The following SAG variants were observed in gnomAD, a reference collection of about 807,000 sequenced individuals.
SAG encodes S-antigen visual arrestin, also known as S-arrestin.
In SAG, 45 loss-of-function variants were observed where a neutral mutation model predicts 55.0. That is an observed-to-expected ratio of 0.82 (90% CI 0.64 to 1.05). The LOEUF (loss-of-function observed/expected upper bound fraction) is 1.05, where lower values mean the gene tolerates loss of function less well. SAG is among the 50% of genes least tolerant of loss of function. The pLI is 0.00. For synonymous variants in SAG, 189 were observed against 197.4 expected (o/e 0.96, Z 0.36); for missense variants, 455 against 512.1 (o/e 0.89, Z 1.08).
chr2:233,320,791 C>T lies in SAG; in HGVS notation c.343C>T (p.Leu115=). The T allele has an allele frequency of 1.2e-6, 2 of 1,603,406 alleles. No homozygotes were observed. Among genetic ancestry groups the T allele is most frequent in the Non-Finnish European group, 1.7e-6 (2 of 1,175,014 alleles). ...TKLQESLLKK[L]GSNTYPFLLT... ...ACTGCAAGAGAGCCTGCTTAAAAAG[C>T]TGGGGAGCAACACGTACCCCTTTCT... The change falls in exon 5 of 16, where the codon CTG becomes TTG. Residue 115 remains leucine (L), a synonymous_variant. Coordinates refer to ENST00000409110, the MANE Select transcript of SAG (RefSeq NM_000541.5).
chr2:233,315,035 A>G (rs1204385856), intron 2 of SAG, among the ~76,000 whole-genome samples: 1 of 152,188 alleles, frequency 6.6e-6, no homozygotes, highest in Non-Finnish European at 1.5e-5. Context: ...TACTACCACC[A>G]AGCCACAGTC....
intron 5 of SAG, 105 bp from the exon 6 acceptor site, chr2:233,322,841 T>C: frequency 1.3e-6 from 1 of 774,980 alleles, no homozygotes; most frequent in Non-Finnish European, 2.1e-6. Context: ...ATTTTTCTTT[T>C]TTCTTGCTTA....
chr2:233,319,960 G>T lies in SAG; in HGVS notation c.182-670G>T. On this transcript the variant is annotated intron_variant, in intron 4 of 15. Coordinates refer to ENST00000409110, the MANE Select transcript of SAG (RefSeq NM_000541.5). The surrounding 1 kb of genome is among the most constrained non-coding windows in gnomAD (Gnocchi z 4.4). ...TATATTTGAGAAATATGTGCTTCGT[G>T]TCTTTTTTAGAAGGTGTAGTGAACT... 1 of 985,528 alleles carries T rather than the reference G, an allele frequency of 1.0e-6. No homozygotes were observed. The highest frequency in any genetic ancestry group is 1.2e-6 in the Non-Finnish European group (1 of 829,958). 61.0% of individuals were successfully genotyped at this position (985,528 alleles called of 1,614,324 possible).
chr2:233,322,669 T>C (rs1469346981), intron 5 of SAG, among the ~76,000 whole-genome samples: 1 of 151,780 alleles, frequency 6.6e-6, no homozygotes, highest in Non-Finnish European at 1.5e-5. Flanking sequence ...GGCATGGTGG[T>C]GTGTGCCTGT....
chr2:233,334,333 TC>T (rs1700858712), intron 10 of SAG: 1 of 152,192 alleles, frequency 6.6e-6, no homozygotes, highest in Admixed American at 6.5e-5. Flanking sequence ...CATTGCTGTG[TC>T]CCCAGCTGGA....
intron 10 of SAG, chr2:233,333,237 C>T (rs1417370263): frequency 6.6e-6 from 1 of 152,306 alleles, no homozygotes; most frequent in African/African-American, 2.4e-5. Flanking sequence ...GGGCTCTGTT[C>T]TGCCTTTAGG....
At chr2:233,322,205 A>AT (rs1194591645) in intron 5 of SAG, among the ~76,000 whole-genome samples, 1 of 151,518 alleles carries the variant, frequency 6.6e-6, no homozygotes, top group African/African-American at 2.4e-5. Context: ...AAAAAAAAAA[A>AT]AAAAGTGCTT....
rs1277597080 is a variant in SAG, at chr2:233,316,353, C to T, written c.136+218C>T. ...TGAGATGGAGTTTCATTCTTGTTGGCCGGGCTGGAGTGCAGTGGCATGATC... is the reference window on the plus strand; with the variant it reads ...TGAGATGGAGTTTCATTCTTGTTGGTCGGGCTGGAGTGCAGTGGCATGATC... On this transcript the variant is annotated intron_variant, in intron 3 of 15. Transcript: ENST00000409110. Among the ~76,000 whole-genome samples the T allele has an allele frequency of 2.0e-5, 3 of 151,736 alleles. No homozygotes were observed. The East Asian group carries it at 5.8e-4, about 29-fold the overall frequency.
chr2:233,309,451 C>T lies in SAG; in HGVS notation c.75+187C>T, dbSNP rs139429751. Among the ~76,000 whole-genome samples the T allele has an allele frequency of 6.6e-5, 10 of 151,996 alleles. No individual in the cohort carries two copies. In the East Asian group the frequency reaches 1.9e-3, roughly 29 times the overall value. ...TAACTTGAGGCCAGGAGTTCGAGAC[C>T]AGCCTGGCCAACATGGCAAAACCCA... On this transcript the variant is annotated intron_variant, in intron 2 of 15. Transcript: ENST00000409110.
chr2:233,325,899 G>C (rs1039571943), intron 6 of SAG, among the ~76,000 whole-genome samples: 1 of 152,216 alleles, frequency 6.6e-6, no homozygotes, highest in East Asian at 1.9e-4. Context: ...GCTCAACAAC[G>C]GCCGGCTGAT....
At chr2:233,321,436 T>A (rs1395020155) in intron 5 of SAG, among the ~76,000 whole-genome samples, 1 of 152,238 alleles carries the variant, frequency 6.6e-6, no homozygotes, top group Non-Finnish European at 1.5e-5. Context: ...TAAAAAGGAA[T>A]GAAATTCTGT....
At chr2:233,310,389 G>T (rs560931950) in intron 2 of SAG, among the ~76,000 whole-genome samples, 3 of 151,998 alleles carry the variant, frequency 2.0e-5, no homozygotes, top group African/African-American at 7.2e-5. Flanking sequence ...ATTGAAATCT[G>T]ATGTGTATTT....
intron 6 of SAG, among the ~76,000 whole-genome samples, chr2:233,323,815 A>G (rs1016422667): frequency 1.3e-5 from 2 of 152,030 alleles, no homozygotes; most frequent in African/African-American, 2.4e-5. Flanking sequence ...CAGAGTCCCA[A>G]CCCCCATGAG....
chr2:233,329,459 T>G, intron 8 of SAG, 34 bp from the exon 9 acceptor site: 1 of 1,327,262 alleles, frequency 7.5e-7, no homozygotes, highest in African/African-American at 1.4e-5. Flanking sequence ...CCACATCTGT[T>G]CTCTTCTTCT....
Position 233,340,765 on chromosome 2 carries a change from GTGTGTT to G in SAG, c.1046+293_1046+298del, listed in dbSNP as rs1356389858. ...ATGCAGCCAGCTTGTGTGTGTGTGT[GTGTGTT>G]TGTGTGCGGTAAAATACACATAACA... On this transcript the variant is annotated intron_variant, in intron 13 of 15. Coordinates refer to ENST00000409110, the MANE Select transcript of SAG (RefSeq NM_000541.5). The surrounding 1 kb of genome is among the most constrained non-coding windows in gnomAD (Gnocchi z 4.2). Among the ~76,000 whole-genome samples the G allele has an allele frequency of 5.9e-5, 9 of 152,200 alleles. No homozygotes were observed. The highest frequency in any genetic ancestry group is 3.4e-3 in the Middle Eastern group (1 of 294).
intron 2 of SAG, among the ~76,000 whole-genome samples, chr2:233,312,754 C>G (rs761428412): frequency 6.6e-6 from 1 of 152,208 alleles, no homozygotes. Context: ...TGCCCTCAAC[C>G]GTCCCCTGTC....
rs1195797039 is a variant in SAG, at chr2:233,327,160, G to C, written c.475G>C (p.Asp159His). 1 of 1,613,922 alleles carries C rather than the reference G, an allele frequency of 6.2e-7. No homozygotes were observed. The highest frequency in any genetic ancestry group is 8.5e-7 in the Non-Finnish European group (1 of 1,179,830). ...CTTTGAGGTCAAAGCATTCGCCACA[G>C]ACAGCACCGATGCCGAAGAGGACAA... ...VDFEVKAFAT[D>H]STDAEEDKIP... The change falls in exon 7 of 16, where the codon GAC becomes CAC. Residue 159 changes from aspartate (D) to histidine (H), a missense_variant. Physicochemically the swap from Asp to His is moderately conservative, Grantham distance 81 (BLOSUM62 -1). Transcript: ENST00000409110.
At chr2:233,346,779 G>C in intron 15 of SAG, 28 bp from the exon 16 acceptor site, 1 of 1,442,278 alleles carries the variant, frequency 6.9e-7, no homozygotes, top group South Asian at 1.2e-5. Flanking sequence ...GGCGTGCAAT[G>C]ATCAAAATGT....
chr2:233,319,231 C>A lies in SAG; in HGVS notation c.181+436C>A, dbSNP rs1287761194. Among the ~76,000 whole-genome samples, 1 of 151,684 alleles carries A rather than the reference C, an allele frequency of 6.6e-6. No individual in the cohort carries two copies. Among genetic ancestry groups the A allele is most frequent in the Non-Finnish European group, 1.5e-5 (1 of 67,938 alleles). Reference sequence around the variant, plus strand: ...TGAGTCAGTGGCGAGGGGCAGTTACCGTTGGGGCTGACAGGCAAAATTCTC... The same window carrying A: ...TGAGTCAGTGGCGAGGGGCAGTTACAGTTGGGGCTGACAGGCAAAATTCTC... On this transcript the variant is annotated intron_variant, in intron 4 of 15. Coordinates refer to ENST00000409110, the MANE Select transcript of SAG (RefSeq NM_000541.5). This position sits in a 1 kb window ranked among gnomAD's most constrained non-coding sequence, Gnocchi z 4.4.
Sources: allele counts gnomAD v4.1 joint callset (sites outside exome capture counted in the v4.1 genomes callset), GRCh38; gene constraint gnomAD v4.1.1; non-coding constraint Gnocchi (gnomAD v3.1); transcripts MANE v1.5; gene names NCBI Gene and HGNC (gene_info 2026-07-23, HGNC 2026-07-21).